The following CUX2 variants were observed in gnomAD, a reference collection of about 807,000 sequenced individuals.
The protein encoded by CUX2 is homeobox protein cut-like 2.
Under a neutral mutation model 144.8 loss-of-function variants are expected in CUX2, and 40 were observed. The ratio of observed to expected loss-of-function variants is 0.28; its 90% CI spans 0.21 to 0.36. The LOEUF (loss-of-function observed/expected upper bound fraction) is 0.36, where lower values mean the gene tolerates loss of function less well. Ranked by LOEUF, CUX2 falls within the 10% of genes least tolerant of loss-of-function variation. The probability of loss-of-function intolerance (pLI) is 1.00; values close to 1 mark genes in which losing one functional copy is unlikely to be tolerated. For synonymous variants in CUX2, 827 were observed against 875.6 expected, an observed-to-expected ratio of 0.94 and a Z score of 0.98; for missense variants, 1,615 against 1,994.0, an observed-to-expected ratio of 0.81 and a Z score of 3.62.
chr12:111,334,857 C>A, intron 19 of CUX2, 147 bp downstream of exon 19: 1 of 898,980 alleles, frequency 1.1e-6, no homozygotes, highest in Non-Finnish European at 1.7e-6. Context: ...TCGCTTGAGG[C>A]CAGGAGTTTG....
In CUX2 at chr12:111,116,432, A is replaced by C. The variant is rs1369549712; in HGVS notation, c.63+82192A>C. Among the ~76,000 whole-genome samples, 3 of 152,202 alleles carry C rather than the reference A, an allele frequency of 2.0e-5. No homozygotes were observed. In the East Asian group the frequency reaches 5.8e-4, roughly 29 times the overall value. On this transcript the variant is annotated intron_variant, in intron 1 of 21. Transcript: ENST00000261726. ...GTGTTGTTAACTAATTGGTTTGTGG[A>C]TGCTACTTGGACTTATAGATTTCAT...
intron 1 of CUX2, among the ~76,000 whole-genome samples, chr12:111,164,052 G>A: frequency 6.6e-6 from 1 of 152,122 alleles, no homozygotes; most frequent in East Asian, 1.9e-4. Context: ...AGATTAAATG[G>A]ATTAATATCT....
chr12:111,070,159 C>T (rs570322309), intron 1 of CUX2, among the ~76,000 whole-genome samples: 2 of 152,260 alleles, frequency 1.3e-5, no homozygotes, highest in Admixed American at 1.3e-4. Context: ...GCCATGGAGG[C>T]GTAGGGAGCC....
chr12:111,063,761 A>G (rs1870902481), intron 1 of CUX2, among the ~76,000 whole-genome samples: 3 of 152,190 alleles, frequency 2.0e-5, no homozygotes, highest in Admixed American at 1.3e-4. Flanking sequence ...TCTTATTAGC[A>G]TCGTAATCGC....
chr12:111,192,669 A>C (rs1268741291), intron 1 of CUX2, among the ~76,000 whole-genome samples: 10 of 152,182 alleles, frequency 6.6e-5, no homozygotes, highest in African/African-American at 2.4e-4. Flanking sequence ...AGGACCCAAA[A>C]AGTCCTGGTT....
At chr12:111,237,512 C>T (rs773194341) in intron 3 of CUX2, among the ~76,000 whole-genome samples, 23 of 152,224 alleles carry the variant, frequency 1.5e-4, no homozygotes, top group Non-Finnish European at 3.2e-4. Context: ...GTGGGCTGTC[C>T]ACGTCCCTGT....
In CUX2 at chr12:111,160,046, A is replaced by G. The variant is rs898616165; in HGVS notation, c.64-54154A>G. Among the ~76,000 whole-genome samples, 1 of 152,120 alleles carries G rather than the reference A, an allele frequency of 6.6e-6. No individual in the cohort carries two copies. The highest frequency in any genetic ancestry group is 2.4e-5 in the African/African-American group (1 of 41,444). On this transcript the variant is annotated intron_variant, in intron 1 of 21. Coordinates refer to ENST00000261726, the MANE Select transcript of CUX2 (RefSeq NM_015267.4). The surrounding 1 kb of genome is among the most constrained non-coding windows in gnomAD (Gnocchi z 4.1). ...TTAAAAACAAAACAAAACAACAACT[A>G]CAAAAAAAGCAAAAGGAGTTAGGGG...
chr12:111,173,307 T>TGGGGAC (rs1431534086), intron 1 of CUX2, among the ~76,000 whole-genome samples: 2 of 152,234 alleles, frequency 1.3e-5, no homozygotes, highest in African/African-American at 4.8e-5. Flanking sequence ...GAAAGTCAAA[T>TGGGGAC]GGGGACGGGG....
intron 8 of CUX2, among the ~76,000 whole-genome samples, chr12:111,297,097 C>T (rs1886045106): frequency 1.3e-5 from 2 of 151,652 alleles, no homozygotes; most frequent in African/African-American, 2.4e-5. Flanking sequence ...TACTTGCCTC[C>T]TCCCTCTGAC....
intron 3 of CUX2, among the ~76,000 whole-genome samples, chr12:111,225,152 C>T (rs948873309): frequency 3.9e-5 from 6 of 152,096 alleles, no homozygotes; most frequent in African/African-American, 1.4e-4. Flanking sequence ...GTAATAGTAC[C>T]CACTTCATAG....
At chr12:111,161,740 T>C (rs1233088486) in intron 1 of CUX2, among the ~76,000 whole-genome samples, 1 of 152,174 alleles carries the variant, frequency 6.6e-6, no homozygotes, top group East Asian at 1.9e-4. Context: ...TTCTTTTCTT[T>C]TTTTGTTTTC....
In CUX2 at chr12:111,342,685, G is replaced by A. The variant is rs147502825; in HGVS notation, c.3659+632G>A. Among the ~76,000 whole-genome samples, 125 of 152,030 alleles carry A rather than the reference G, an allele frequency of 8.2e-4. No individual in the cohort carries two copies. The Middle Eastern group carries it at 0.034, about 42-fold the overall frequency. ...AAAATACCTAGCGTGTAGGCCAGGC[G>A]CGGTGGCTCACACCTGTAATCCCAA... On this transcript the variant is annotated intron_variant, in intron 21 of 21. Transcript: ENST00000261726.
intron 9 of CUX2, 52 bp downstream of exon 9, chr12:111,298,641 G>A (rs768316702): frequency 1.3e-6 from 2 of 1,527,418 alleles, no homozygotes; most frequent in Non-Finnish European, 1.8e-6. Context: ...CTCTGCCTGG[G>A]GTGGGGGTCT....
chr12:111,162,317 C>T (rs189117184), intron 1 of CUX2, among the ~76,000 whole-genome samples: 2 of 152,332 alleles, frequency 1.3e-5, no homozygotes, highest in East Asian at 3.9e-4. Context: ...GGTGGGGTTT[C>T]GTCCTTGGAG....
At chr12:111,148,791 G>T (rs1452453403) in intron 1 of CUX2, among the ~76,000 whole-genome samples, 3 of 152,176 alleles carry the variant, frequency 2.0e-5, no homozygotes, top group Non-Finnish European at 4.4e-5. Flanking sequence ...GAGCCCATGA[G>T]TTCGAGACCA....
At chr12:111,311,604 T>TA (rs1555214918) in intron 15 of CUX2, among the ~76,000 whole-genome samples, 1 of 109,700 alleles carries the variant, frequency 9.1e-6, no homozygotes, top group East Asian at 2.8e-4. Context: ...ATTATTATTA[T>TA]TTTTTTTTTT....
chr12:111,210,836 C>T (rs1881185751), intron 1 of CUX2, among the ~76,000 whole-genome samples: 2 of 151,752 alleles, frequency 1.3e-5, no homozygotes, highest in Admixed American at 6.6e-5. Context: ...ACACTTGAAG[C>T]TTTACACATC....
intron 21 of CUX2, among the ~76,000 whole-genome samples, chr12:111,344,218 C>A (rs115979284): frequency 5.9e-5 from 9 of 152,092 alleles, no homozygotes; most frequent in African/African-American, 2.2e-4. Context: ...CTGAGCACTC[C>A]GTTATTATCC....
At chr12:111,132,486 C>T (rs1875554098) in intron 1 of CUX2, among the ~76,000 whole-genome samples, 1 of 151,914 alleles carries the variant, frequency 6.6e-6, no homozygotes, top group South Asian at 2.1e-4. Context: ...GAATTTCTCC[C>T]CAGAAAATGG....
Sources: allele counts gnomAD v4.1 joint callset (sites outside exome capture counted in the v4.1 genomes callset), GRCh38; gene constraint gnomAD v4.1.1; non-coding constraint Gnocchi (gnomAD v3.1); transcripts MANE v1.5; gene names NCBI Gene and HGNC (gene_info 2026-07-23, HGNC 2026-07-21).